The following ITGAL variants were observed in gnomAD, a reference collection of about 807,000 sequenced individuals.
The protein encoded by ITGAL is integrin alpha-L.
ITGAL carries 68 observed loss-of-function variants against 138.4 expected under a neutral mutation model. The observed-to-expected ratio is 0.49, with a 90% CI of 0.40 to 0.60. The LOEUF is 0.60. Ranked by LOEUF, ITGAL falls within the 20% of genes least tolerant of loss-of-function variation. ITGAL has a pLI of 0.00. For missense variants in ITGAL, 1,256 were observed against 1,478.6 expected, an observed-to-expected ratio of 0.85 and a Z score of 2.47; for synonymous variants, 561 against 584.3, an observed-to-expected ratio of 0.96 and a Z score of 0.57.
intron 15 of ITGAL, among the ~76,000 whole-genome samples, chr16:30,497,342 C>CA (rs201892957): frequency 0.015 from 1,894 of 125,700 alleles, 27 homozygotes; most frequent in African/African-American, 0.05. Flanking sequence ...GACTCCGCCT[C>CA]AAAAAAAAAA....
chr16:30,487,851 G>A (rs2050669886), intron 9 of ITGAL, among the ~76,000 whole-genome samples: 1 of 151,812 alleles, frequency 6.6e-6, no homozygotes, highest in South Asian at 2.1e-4. Context: ...CCAAGTAGCT[G>A]GGATTACAGG....
intron 4 of ITGAL, among the ~76,000 whole-genome samples, chr16:30,476,339 T>A (rs1216166261): frequency 1.3e-5 from 2 of 152,116 alleles, no homozygotes; most frequent in African/African-American, 4.8e-5. Context: ...CCAGCTATTT[T>A]CAATAACTTA....
intron 22 of ITGAL, among the ~76,000 whole-genome samples, 192 bp from the exon 23 acceptor site, chr16:30,510,689 C>A (rs889215527): frequency 9.9e-5 from 15 of 152,144 alleles, no homozygotes; most frequent in Non-Finnish European, 1.8e-4. Context: ...CATTTTGTGA[C>A]CTTATAGACA....
chr16:30,513,939 CATCCT>C, intron 25 of ITGAL, 93 bp downstream of exon 25: 1 of 891,696 alleles, frequency 1.1e-6, no homozygotes, highest in Non-Finnish European at 1.9e-6. Flanking sequence ...ACACAGTACT[CATCCT>C]AGCCATCCAA....
At chr16:30,508,608 T>G (rs2051041645) in intron 21 of ITGAL, among the ~76,000 whole-genome samples, 1 of 152,164 alleles carries the variant, frequency 6.6e-6, no homozygotes, top group Admixed American at 6.6e-5. Context: ...GGTGGAGAAG[T>G]GCTTAAGCCC....
chr16:30,477,849 GCACT>G (rs2050492974), intron 4 of ITGAL, among the ~76,000 whole-genome samples: 1 of 151,750 alleles, frequency 6.6e-6, no homozygotes, highest in African/African-American at 2.4e-5. Flanking sequence ...TTGTCCCACT[GCACT>G]CCAGCCTGGG....
chr16:30,518,817 C>A (rs1369370804), intron 29 of ITGAL, 98 bp downstream of exon 29: 2 of 869,690 alleles, frequency 2.3e-6, no homozygotes, highest in South Asian at 1.4e-5. Context: ...GGGCTCTGTG[C>A]GAGTCAGAAC....
intron 4 of ITGAL, chr16:30,477,450 G>T (rs1405095831): frequency 6.6e-6 from 1 of 152,170 alleles, no homozygotes; most frequent in Non-Finnish European, 1.5e-5. Context: ...CTACTTGGGA[G>T]GATCAGTTGA....
intron 11 of ITGAL, among the ~76,000 whole-genome samples, chr16:30,490,293 C>T (rs1050024943): frequency 7.3e-5 from 11 of 151,474 alleles, no homozygotes; most frequent in African/African-American, 2.7e-4. Flanking sequence ...ATATCCTCAG[C>T]CACCTCCTTT....
chr16:30,494,647 G>C lies in ITGAL; in HGVS notation c.1366-66G>C. Reference sequence around the variant, plus strand: ...AGTGGCACAAGATGAACACGGTACAGGTATCTCCCTGCCAACCCCTGCTGT... The same window carrying C: ...AGTGGCACAAGATGAACACGGTACACGTATCTCCCTGCCAACCCCTGCTGT... On this transcript the variant is annotated intron_variant, in intron 12 of 30. Transcript: ENST00000356798. The surrounding 1 kb of genome is among the most constrained non-coding windows in gnomAD (Gnocchi z 4.2). The C allele has an allele frequency of 5.9e-6, 9 of 1,536,022 alleles. No homozygotes were observed. Among genetic ancestry groups the C allele is most frequent in the Non-Finnish European group, 7.9e-6 (9 of 1,135,356 alleles).
Position 30,494,358 on chromosome 16 carries a change from A to G in ITGAL, c.1360A>G (p.Thr454Ala). ...HWSQVQTIHGTQIGSYFGGEL... is the reference protein window; with the variant it reads ...HWSQVQTIHGAQIGSYFGGEL... ...GAGCCAGGTCCAGACAATCCATGGG[A>G]CCCAGGTGCGCCCAGTCCGAGGGCA... Residue 454 changes from threonine (T) to alanine (A), a missense_variant, in exon 12 of 31, where the codon ACC becomes GCC. Physicochemically the swap from Thr to Ala is moderately conservative, Grantham distance 58. Around this residue, in one of 3 missense-constraint regions of ITGAL, gnomAD observed 867 missense variants for 972.5 expected, o/e 0.89. Transcript: ENST00000356798. This position sits in a 1 kb window ranked among gnomAD's most constrained non-coding sequence, Gnocchi z 4.2. The G allele has an allele frequency of 6.2e-7, 1 of 1,605,500 alleles. No homozygotes were observed.
At chr16:30,493,701 C>A (rs1421882185) in intron 11 of ITGAL, among the ~76,000 whole-genome samples, 1 of 152,100 alleles carries the variant, frequency 6.6e-6, no homozygotes, top group African/African-American at 2.4e-5. Context: ...ACCATCCTGG[C>A]CAACATGGCA....
At chr16:30,474,333 C>G (rs762886072) in intron 2 of ITGAL, 35 bp downstream of exon 2, 1 of 1,477,324 alleles carries the variant, frequency 6.8e-7, no homozygotes, top group Non-Finnish European at 9.3e-7. Flanking sequence ...CTCCTGATGC[C>G]CGCCCTGGGG....
At chr16:30,516,252 C>T (rs570699519) in intron 25 of ITGAL, among the ~76,000 whole-genome samples, 13 of 148,726 alleles carry the variant, frequency 8.7e-5, no homozygotes, top group South Asian at 6.3e-4. Flanking sequence ...TTTTTTGAGA[C>T]GGAGTCTCAC....
chr16:30,518,274 C>T (rs1044433862), intron 28 of ITGAL, among the ~76,000 whole-genome samples: 2 of 151,916 alleles, frequency 1.3e-5, no homozygotes, highest in Admixed American at 6.6e-5. Flanking sequence ...ATGGTGAAAC[C>T]CTGTCTGTAC....
chr16:30,504,196 T>TC lies in ITGAL; in HGVS notation c.2172dup (p.Ile725HisfsTer44). The TC allele has an allele frequency of 6.2e-7, 1 of 1,613,354 alleles. No homozygotes were observed. Among genetic ancestry groups the TC allele is most frequent in the Non-Finnish European group, 8.5e-7 (1 of 1,179,444 alleles). On this transcript the variant is annotated frameshift_variant, in exon 18 of 31. Coordinates refer to ENST00000356798, the MANE Select transcript of ITGAL (RefSeq NM_002209.3). LOFTEE classifies it high-confidence loss of function. ...TCAGGTATGTGTTCAAGACCTCATC[T>TC]CCCCCATCAATGTTTCCCTGAATTT...
chr16:30,473,608 G>A (rs538538693), intron 1 of ITGAL, among the ~76,000 whole-genome samples: 1 of 152,304 alleles, frequency 6.6e-6, no homozygotes, highest in East Asian at 1.9e-4. Flanking sequence ...AGGATGCTCT[G>A]AACTAAACTC....
chr16:30,520,956 T>C (rs2051243882), intron 30 of ITGAL, among the ~76,000 whole-genome samples: 1 of 152,048 alleles, frequency 6.6e-6, no homozygotes, highest in Admixed American at 6.6e-5. Context: ...TGGTGGCGCA[T>C]GCCTGTAATC....
chr16:30,474,165 G>C, intron 1 of ITGAL, 31 bp from the exon 2 acceptor site: 1 of 1,524,466 alleles, frequency 6.6e-7, no homozygotes, highest in Admixed American at 1.9e-5. Context: ...GGGGTCCCTC[G>C]GTCGCAGCTG....
Sources: allele counts gnomAD v4.1 joint callset (sites outside exome capture counted in the v4.1 genomes callset), GRCh38; gene constraint gnomAD v4.1.1; regional missense constraint gnomAD v4.1.1; non-coding constraint Gnocchi (gnomAD v3.1); transcripts MANE v1.5; gene names NCBI Gene and HGNC (gene_info 2026-07-23, HGNC 2026-07-21).